The following HS3ST5 variants were observed in gnomAD, a reference collection of about 807,000 sequenced individuals.
HS3ST5 encodes the protein heparan sulfate-glucosamine 3-sulfotransferase 5, also known as heparan sulfate glucosamine 3-O-sulfotransferase 5.
Under a neutral mutation model 25.4 loss-of-function variants are expected in HS3ST5, and 10 were observed. That is an observed-to-expected ratio of 0.39 (90% CI 0.24 to 0.67). The LOEUF is 0.67. Among genes scored for constraint, HS3ST5 ranks in the 30% least tolerant of loss-of-function variants. HS3ST5 has a pLI of 0.44. For synonymous variants in HS3ST5, 170 were observed against 162.4 expected (o/e 1.05, Z -0.36); for missense variants, 324 against 420.7 (o/e 0.77, Z 2.01).
chr6:114,217,540 C>T (rs1422217449), intron 2 of HS3ST5, among the ~76,000 whole-genome samples: 1 of 152,204 alleles, frequency 6.6e-6, no homozygotes, highest in Middle Eastern at 3.4e-3. Flanking sequence ...GCAAGATTTC[C>T]GTTTTGGAAC....
intron 3 of HS3ST5, among the ~76,000 whole-genome samples, chr6:114,093,025 T>A (rs299405): frequency 6.6e-6 from 1 of 152,014 alleles, no homozygotes; most frequent in Non-Finnish European, 1.5e-5. Flanking sequence ...TTCTTATAAC[T>A]CCATGAGACT....
chr6:114,086,888 C>T (rs1774867481), intron 3 of HS3ST5, among the ~76,000 whole-genome samples: 1 of 152,132 alleles, frequency 6.6e-6, no homozygotes, highest in Non-Finnish European at 1.5e-5. Flanking sequence ...AAGCAAAGGT[C>T]AATTTAGTGA....
chr6:114,333,016 G>A (rs1216821209), intron 1 of HS3ST5, among the ~76,000 whole-genome samples: 3 of 152,118 alleles, frequency 2.0e-5, no homozygotes, highest in East Asian at 3.9e-4. Flanking sequence ...CTGAAGGTAA[G>A]GGATGCTGCA....
chr6:114,332,099 T>C (rs759071767), intron 1 of HS3ST5, among the ~76,000 whole-genome samples: 1 of 152,114 alleles, frequency 6.6e-6, no homozygotes, highest in Non-Finnish European at 1.5e-5. Context: ...AAAATAAAAA[T>C]GGCCTAATTC....
At chr6:114,261,325 G>T (rs1773162058) in intron 1 of HS3ST5, among the ~76,000 whole-genome samples, 1 of 152,180 alleles carries the variant, frequency 6.6e-6, no homozygotes, top group African/African-American at 2.4e-5. Flanking sequence ...ATCATGGGAA[G>T]TTGAGGGATT....
chr6:114,138,073 T>G (rs1023494038), intron 3 of HS3ST5, among the ~76,000 whole-genome samples: 26 of 152,304 alleles, frequency 1.7e-4, no homozygotes, highest in African/African-American at 6.3e-4. Context: ...TTGGGTACCT[T>G]GTCTGAAGTC....
At chr6:114,078,024 A>T (rs1344464092) in intron 3 of HS3ST5, among the ~76,000 whole-genome samples, 1 of 152,192 alleles carries the variant, frequency 6.6e-6, no homozygotes, top group African/African-American at 2.4e-5. Context: ...GTGAAGAATT[A>T]AACCATTAGC....
At chr6:114,138,391 A>G (rs1469683164) in intron 3 of HS3ST5, among the ~76,000 whole-genome samples, 1 of 152,228 alleles carries the variant, frequency 6.6e-6, no homozygotes, top group Non-Finnish European at 1.5e-5. Flanking sequence ...TTGGGTTAGT[A>G]AGATTTTTCC....
chr6:114,176,423 A>C (rs893703278), intron 2 of HS3ST5, among the ~76,000 whole-genome samples: 1 of 152,236 alleles, frequency 6.6e-6, no homozygotes, highest in Non-Finnish European at 1.5e-5. Context: ...TCGAAAATAA[A>C]AATGGGTACC....
chr6:114,243,492 G>C (rs1011315795), intron 1 of HS3ST5, among the ~76,000 whole-genome samples: 7 of 152,164 alleles, frequency 4.6e-5, no homozygotes, highest in African/African-American at 1.7e-4. Context: ...GGTTATCATG[G>C]GGGTTTTTAA....
chr6:114,279,520 A>T (rs1212764639), intron 1 of HS3ST5, among the ~76,000 whole-genome samples: 1 of 152,044 alleles, frequency 6.6e-6, no homozygotes, highest in Non-Finnish European at 1.5e-5. Context: ...TTTTTGTTGC[A>T]ATTGCAGTGA....
intron 3 of HS3ST5, among the ~76,000 whole-genome samples, chr6:114,069,091 G>A (rs989374649): frequency 1.3e-5 from 2 of 152,212 alleles, no homozygotes; most frequent in African/African-American, 2.4e-5. Flanking sequence ...TCAAAGGCTT[G>A]TAGACATGGT....
chr6:114,295,803 T>C (rs1257722405), intron 1 of HS3ST5, among the ~76,000 whole-genome samples: 3 of 152,168 alleles, frequency 2.0e-5, no homozygotes, highest in African/African-American at 7.2e-5. Flanking sequence ...GCTTTGAGAC[T>C]GCCAGACCAT....
At chr6:114,177,728 A>G (rs191026832) in intron 2 of HS3ST5, among the ~76,000 whole-genome samples, 2 of 152,336 alleles carry the variant, frequency 1.3e-5, no homozygotes, top group East Asian at 3.9e-4. Context: ...CTTTTGTAAG[A>G]GTTTGTTTGT....
At chr6:114,190,984 C>G (rs1029957237) in intron 2 of HS3ST5, among the ~76,000 whole-genome samples, 3 of 152,080 alleles carry the variant, frequency 2.0e-5, no homozygotes, top group African/African-American at 7.2e-5. Context: ...TTATTGCAGC[C>G]CTTTGAATAC....
intron 3 of HS3ST5, among the ~76,000 whole-genome samples, chr6:114,069,516 ATTTTT>A (rs373504728): frequency 7.7e-6 from 1 of 130,674 alleles, no homozygotes. Context: ...ACATGGGAGA[ATTTTT>A]TTTTTTTTTT....
intron 3 of HS3ST5, among the ~76,000 whole-genome samples, chr6:114,077,303 T>C (rs115306337): frequency 1.5e-3 from 234 of 152,334 alleles, no homozygotes; most frequent in African/African-American, 5.3e-3. Context: ...TGAATTTTGT[T>C]TGGGCCTGGA....
chr6:114,084,066 C>T, intron 3 of HS3ST5: 3 of 578,068 alleles, frequency 5.2e-6, no homozygotes, highest in East Asian at 2.8e-5. Flanking sequence ...TCTCAGGTTC[C>T]CTGATCATAT....
chr6:114,118,183 G>A (rs1776621475), intron 3 of HS3ST5, among the ~76,000 whole-genome samples: 1 of 152,130 alleles, frequency 6.6e-6, no homozygotes, highest in Non-Finnish European at 1.5e-5. Flanking sequence ...CAAGGCAGAT[G>A]ACCTTGAGGT....
Sources: allele counts gnomAD v4.1 joint callset (sites outside exome capture counted in the v4.1 genomes callset), GRCh38; gene constraint gnomAD v4.1.1; transcripts MANE v1.5; gene names NCBI Gene and HGNC (gene_info 2026-07-23, HGNC 2026-07-21).